Variants in KIF7 observed in about 807,000 individuals in gnomAD.
KIF7 encodes kinesin family member 7.
In KIF7, 104 loss-of-function variants were observed where a neutral mutation model predicts 135.7. The observed-to-expected ratio is 0.77, with a 90% CI of 0.65 to 0.90. The LOEUF (loss-of-function observed/expected upper bound fraction) is 0.90, where lower values mean the gene tolerates loss of function less well. Among genes scored for constraint, KIF7 ranks in the 40% least tolerant of loss-of-function variants. The pLI is 0.00. For synonymous variants in KIF7, 883 were observed against 809.4 expected, an observed-to-expected ratio of 1.09 and a Z score of -1.54; for missense variants, 2,005 against 1,839.1, an observed-to-expected ratio of 1.09 and a Z score of -1.65.
chr15:89,644,186 TTAAC>T (rs1351924229), intron 10 of KIF7, among the ~76,000 whole-genome samples: 1 of 152,122 alleles, frequency 6.6e-6, no homozygotes, highest in Non-Finnish European at 1.5e-5. Flanking sequence ...AACAAATTCA[TTAAC>T]TATTAAAATA....
In KIF7 at chr15:89,643,964, A is replaced by G. The variant is rs902973020; in HGVS notation, c.2191+1049T>C. Among the ~76,000 whole-genome samples the G allele has an allele frequency of 4.6e-5, 7 of 151,804 alleles. No individual in the cohort carries two copies. The East Asian group carries it at 9.7e-4, about 21-fold the overall frequency. The stretch of plus-strand genomic sequence containing the variant: ...TTACAGTTAAGTAAAAAAAAAAAAA[A>G]GTTCCTATTTTTAAAGCAGCACACT... On this transcript the variant is annotated intron_variant, in intron 10 of 18. Transcript: ENST00000394412.
intron 11 of KIF7, among the ~76,000 whole-genome samples, chr15:89,638,784 G>C (rs930575519): frequency 2.0e-5 from 3 of 151,862 alleles, no homozygotes; most frequent in African/African-American, 7.3e-5. Context: ...CACAGAATTG[G>C]AAAAAACTAC....
downstream of KIF7, chr15:89,625,154 G>A: frequency 6.2e-7 from 1 of 1,613,788 alleles, no homozygotes; most frequent in Non-Finnish European, 8.5e-7. Flanking sequence ...AGGTCCTTAA[G>A]CAAACCTGAA....
intron 1 of KIF7, chr15:89,619,711 T>A: frequency 6.2e-7 from 1 of 1,607,352 alleles, no homozygotes; most frequent in South Asian, 1.1e-5. Context: ...TTTACAGAAA[T>A]AAGTCTGAGA....
In KIF7 at chr15:89,646,984, C is replaced by A. The variant is rs750567055; in HGVS notation, c.1634G>T (p.Trp545Leu). ...GCCATTCAGGAGCCGCGGGCCCCCCCAGCCTGGCCGCACCAGCTCTAACCG... is the reference window on the plus strand; with the variant it reads ...GCCATTCAGGAGCCGCGGGCCCCCCAAGCCTGGCCGCACCAGCTCTAACCG... ...RLRLELVRPG[W>L]GGPRLLNGLP... The change falls in exon 7 of 19, where the codon TGG (tryptophan) becomes TTG (leucine). Residue 545 changes from tryptophan (W) to leucine (L), a missense_variant. Physicochemically the swap from Trp to Leu is moderately conservative, Grantham distance 61. Coordinates refer to ENST00000394412, the MANE Select transcript of KIF7 (RefSeq NM_198525.3). 18 of 1,613,114 alleles carry A rather than the reference C, an allele frequency of 1.1e-5. No homozygotes were observed. In the Admixed American group the frequency reaches 1.3e-4, roughly 12 times the overall value.
At chr15:89,629,192 T>G (rs1238782900) in intron 17 of KIF7, 70 bp from the exon 18 acceptor site, 45 of 50,692 alleles carry the variant, frequency 8.9e-4, no homozygotes, top group South Asian at 2.2e-3. Flanking sequence ...GCTGTGGGGG[T>G]GGGGGCTGTG....
At chr15:89,656,389 A>C (rs1472059531), upstream of KIF7, among the ~76,000 whole-genome samples, 3 of 151,014 alleles carry the variant, frequency 2.0e-5, no homozygotes, top group Non-Finnish European at 2.9e-5. Context: ...AACTTCAGAC[A>C]CAAAACGTCC....
intron 5 of KIF7, 114 bp downstream of exon 5, chr15:89,648,141 T>A: frequency 7.4e-7 from 1 of 1,345,820 alleles, no homozygotes; most frequent in South Asian, 1.7e-5. Flanking sequence ...ATCCCGAACG[T>A]GCCCTGCTAA....
intron 10 of KIF7, 103 bp downstream of exon 10, chr15:89,644,906 GCCCC>G: frequency 6.9e-6 from 10 of 1,459,130 alleles, no homozygotes; most frequent in Non-Finnish European, 9.4e-6. Context: ...AGGCCATCCG[GCCCC>G]TGCTCCTAAC....
intron 14 of KIF7, among the ~76,000 whole-genome samples, chr15:89,632,565 A>G (rs1176030795): frequency 6.6e-6 from 1 of 152,164 alleles, no homozygotes; most frequent in African/African-American, 2.4e-5. Context: ...GATGCACAGG[A>G]TAGAACCCAG....
chr15:89,641,294 CAG>C (rs1000331763), intron 11 of KIF7, among the ~76,000 whole-genome samples: 1 of 152,036 alleles, frequency 6.6e-6, no homozygotes, highest in Non-Finnish European at 1.5e-5. Flanking sequence ...AGTGAGGCCT[CAG>C]GGGAAACCAG....
At chr15:89,634,166 G>C (rs991700890) in intron 11 of KIF7, among the ~76,000 whole-genome samples, 5 of 152,152 alleles carry the variant, frequency 3.3e-5, no homozygotes, top group African/African-American at 1.2e-4. Context: ...GGGTTTGGTG[G>C]TGGGTGCCTC....
downstream of KIF7, among the ~76,000 whole-genome samples, chr15:89,626,730 T>A (rs968787682): frequency 1.3e-5 from 2 of 152,158 alleles, no homozygotes; most frequent in Non-Finnish European, 2.9e-5. Context: ...CCACAGGTAC[T>A]TTGCATTTTC....
downstream of KIF7, chr15:89,625,726 T>C (rs1963510482): frequency 6.2e-7 from 1 of 1,612,448 alleles, no homozygotes; most frequent in East Asian, 2.2e-5. Flanking sequence ...TAAAGAGGGG[T>C]CTCCAAGTTG....
In KIF7 at chr15:89,628,679, C is replaced by G. The variant is rs1567056640; in HGVS notation, c.3772G>C (p.Ala1258Pro). 1.2e-6 allele frequency: 2 copies of G among 1,612,826 alleles called. No individual in the cohort carries two copies. Among genetic ancestry groups the G allele is most frequent in the Admixed American group, 3.3e-5 (2 of 60,022 alleles). ...LLWLSPLTEG[A>P]PRTREETRDL... Reference sequence around the variant, plus strand: ...CGCGTCTCCTCCCGGGTGCGGGGGGCCCCCTCAGTGAGGGGGGACAGCCAG... The same window carrying G: ...CGCGTCTCCTCCCGGGTGCGGGGGGGCCCCTCAGTGAGGGGGGACAGCCAG... Residue 1258 changes from alanine to proline, a missense_variant, in exon 19 of 19, where the codon GCC becomes CCC. Ala to Pro is a conservative substitution (Grantham distance 27). Transcript: ENST00000394412.
downstream of KIF7, chr15:89,627,061 TG>T: frequency 6.2e-7 from 1 of 1,614,146 alleles, no homozygotes; most frequent in South Asian, 1.1e-5. Flanking sequence ...AAGAAGCTCA[TG>T]GGAACCTGGC....
chr15:89,656,266 G>A (rs574267760), upstream of KIF7, among the ~76,000 whole-genome samples: 1 of 152,110 alleles, frequency 6.6e-6, no homozygotes, highest in Non-Finnish European at 1.5e-5. Context: ...AAGGTCATGT[G>A]TTATCTCGGG....
intron 11 of KIF7, among the ~76,000 whole-genome samples, chr15:89,641,919 CAG>C (rs1963927601): frequency 6.6e-6 from 1 of 152,134 alleles, no homozygotes; most frequent in South Asian, 2.1e-4. Flanking sequence ...GACCGGGAGA[CAG>C]AGGACTGCAC....
At chr15:89,626,982 A>G, downstream of KIF7, 1 of 1,614,014 alleles carries the variant, frequency 6.2e-7, no homozygotes, top group Non-Finnish European at 8.5e-7. Flanking sequence ...TCTTCCCTCC[A>G]CTGTAGAAGA....
Sources: gnomAD v4.1 joint callset for allele counts (sites outside exome capture counted in the v4.1 genomes callset) on GRCh38, gnomAD v4.1.1 for gene constraint, MANE v1.5 for transcripts, NCBI Gene and HGNC (gene_info 2026-07-23, HGNC 2026-07-21) for gene names.